Variants in COL14A1 observed in about 807,000 individuals in gnomAD.
COL14A1 encodes collagen type XIV alpha 1 chain.
Under a neutral mutation model 230.3 loss-of-function variants are expected in COL14A1, and 136 were observed. The ratio of observed to expected loss-of-function variants is 0.59; its 90% confidence interval spans 0.51 to 0.68. The LOEUF is 0.68. Ranked by LOEUF, COL14A1 falls within the 30% of genes least tolerant of loss-of-function variation. The pLI, the probability that COL14A1 is intolerant of heterozygous loss-of-function variation, is 0.00. For synonymous variants in COL14A1, 792 were observed against 784.1 expected (o/e 1.01, Z -0.17); for missense variants, 1,976 against 2,215.8 (o/e 0.89, Z 2.17).
At chr8:120,231,790 T>C (rs1586788109) in intron 19 of COL14A1, 172 bp downstream of exon 19, 2 of 637,994 alleles carry the variant, frequency 3.1e-6, no homozygotes, top group Non-Finnish European at 5.0e-6. Context: ...TTAGTGACCT[T>C]TATAAATCCA....
chr8:120,220,738 A>G (rs1817906298), intron 14 of COL14A1, among the ~76,000 whole-genome samples: 1 of 152,116 alleles, frequency 6.6e-6, no homozygotes, highest in South Asian at 2.1e-4. Flanking sequence ...GTATTTCAAC[A>G]AATGTCTATG....
intron 5 of COL14A1, among the ~76,000 whole-genome samples, chr8:120,194,443 T>C (rs780094282): frequency 2.6e-5 from 4 of 152,070 alleles, no homozygotes; most frequent in Admixed American, 6.5e-5. Flanking sequence ...ACCCCACACT[T>C]ATGCTTTTAT....
intron 26 of COL14A1, 40 bp from the exon 27 acceptor site, chr8:120,278,071 T>C (rs749687078): frequency 6.5e-7 from 1 of 1,536,406 alleles, no homozygotes; most frequent in Non-Finnish European, 8.7e-7. Context: ...CCAGTGGAAG[T>C]CTACATATGT....
intron 5 of COL14A1, among the ~76,000 whole-genome samples, chr8:120,177,819 T>A (rs1009684221): frequency 2.0e-5 from 3 of 149,106 alleles, no homozygotes; most frequent in Non-Finnish European, 3.0e-5. Context: ...ATAAGGAAAA[T>A]AGGTAGATTA....
chr8:120,300,712 CT>C lies in COL14A1; in HGVS notation c.4315-13del. Reference sequence around the variant, plus strand: ...ATAAACTGGCATGCTAATGGTTGTGCTTTTTTTGTTTCTTTTCAGAGAGATG... The same window carrying C: ...ATAAACTGGCATGCTAATGGTTGTGCTTTTTTGTTTCTTTTCAGAGAGATG... On this transcript the variant is annotated intron_variant, in intron 35 of 47. Coordinates refer to ENST00000297848, the MANE Select transcript of COL14A1 (RefSeq NM_021110.4). 15 of 1,597,592 alleles carry C rather than the reference CT, an allele frequency of 9.4e-6. No individual in the cohort carries two copies. Among genetic ancestry groups the C allele is most frequent in the East Asian group, 4.5e-5 (2 of 44,748 alleles).
rs763911191 is a variant in COL14A1, at chr8:120,243,986, C to T, written c.2457C>T (p.Ser819=). 5.6e-6 allele frequency: 9 copies of T among 1,612,190 alleles called. No homozygotes were observed. The highest frequency in any genetic ancestry group is 4.5e-5 in the East Asian group (2 of 44,846). The change falls in exon 20 of 48, where the codon AGC becomes AGT. Residue 819 remains serine (S), a synonymous_variant. Coordinates refer to ENST00000297848, the MANE Select transcript of COL14A1 (RefSeq NM_021110.4). ...TPIYTDGEGV[S]VSAPGKTLPS... Reference sequence around the variant, plus strand: ...TCTACACGGATGGCGAAGGCGTCAGCGTCTCCGCTCCTGGAAAAACCTGTA... The same window carrying T: ...TCTACACGGATGGCGAAGGCGTCAGTGTCTCCGCTCCTGGAAAAACCTGTA...
chr8:120,295,881 G>T (rs1195466869), intron 34 of COL14A1, among the ~76,000 whole-genome samples: 1 of 151,856 alleles, frequency 6.6e-6, no homozygotes, highest in Admixed American at 6.6e-5. Context: ...GTCAGTGGAA[G>T]AGTTGGAGAT....
chr8:120,260,183 A>G (rs545367249), intron 23 of COL14A1, among the ~76,000 whole-genome samples: 4 of 152,290 alleles, frequency 2.6e-5, no homozygotes, highest in East Asian at 1.9e-4. Context: ...TTAAAATTCT[A>G]TTTAACAAAT....
At chr8:120,189,489 T>G (rs1264174396) in intron 5 of COL14A1, among the ~76,000 whole-genome samples, 1 of 151,684 alleles carries the variant, frequency 6.6e-6, no homozygotes, top group Non-Finnish European at 1.5e-5. Flanking sequence ...TTATTTTATT[T>G]TATTATTATT....
intron 7 of COL14A1, among the ~76,000 whole-genome samples, chr8:120,198,989 T>C (rs1817138111): frequency 6.6e-6 from 1 of 152,162 alleles, no homozygotes; most frequent in Non-Finnish European, 1.5e-5. Flanking sequence ...TCCCTTCTAC[T>C]CCTAAAAAAC....
intron 14 of COL14A1, among the ~76,000 whole-genome samples, chr8:120,219,498 T>C (rs1817863198): frequency 6.6e-6 from 1 of 152,188 alleles, no homozygotes; most frequent in Admixed American, 6.5e-5. Flanking sequence ...TGCAGGTGTA[T>C]TCCTCATAGT....
At chr8:120,153,940 G>A (rs893679439) in intron 2 of COL14A1, among the ~76,000 whole-genome samples, 19 of 152,218 alleles carry the variant, frequency 1.2e-4, no homozygotes, top group African/African-American at 3.4e-4. Context: ...CTGCTTGACC[G>A]GGTTTAAGTG....
Position 120,280,113 on chromosome 8 carries a change from A to G in COL14A1, c.3646+14A>G. On this transcript the variant is annotated intron_variant, in intron 29 of 47. Coordinates refer to ENST00000297848, the MANE Select transcript of COL14A1 (RefSeq NM_021110.4). ...CAGCATCAGCAAGTTAGTTCTTTGG[A>G]ATTTGTACTTACTCATGTTGCTTAA... is the stretch of plus-strand genomic sequence containing the variant. 1.9e-6 allele frequency: 3 copies of G among 1,613,360 alleles called. No individual in the cohort carries two copies. The highest frequency in any genetic ancestry group is 2.5e-6 in the Non-Finnish European group (3 of 1,179,564).
chr8:120,204,827 G>C (rs2130740233), intron 9 of COL14A1, among the ~76,000 whole-genome samples: 1 of 152,308 alleles, frequency 6.6e-6, no homozygotes, highest in Non-Finnish European at 1.5e-5. Context: ...CACAGAGTGA[G>C]GGAGAATGGT....
At chr8:120,329,680 G>C (rs757095379) in intron 40 of COL14A1, among the ~76,000 whole-genome samples, 130 of 152,196 alleles carry the variant, frequency 8.5e-4, no homozygotes, top group Admixed American at 2.4e-3. Context: ...CTAAGGACCT[G>C]TGTATGTGTG....
chr8:120,281,373 G>A (rs1323751638), intron 31 of COL14A1, among the ~76,000 whole-genome samples: 1 of 151,870 alleles, frequency 6.6e-6, no homozygotes, highest in East Asian at 1.9e-4. Context: ...AGCAGCCTGG[G>A]CAACAAAATA....
At chr8:120,349,197 A>G (rs1822653359) in intron 45 of COL14A1, among the ~76,000 whole-genome samples, 2 of 151,712 alleles carry the variant, frequency 1.3e-5, no homozygotes, top group African/African-American at 4.9e-5. Flanking sequence ...AAGGAAAACT[A>G]ACAAACAGAA....
chr8:120,130,644 AAATTAAAAG>A (rs1239494028), intron 1 of COL14A1, among the ~76,000 whole-genome samples: 9 of 152,378 alleles, frequency 5.9e-5, no homozygotes, highest in Non-Finnish European at 1.0e-4. Flanking sequence ...AACTTGGAGA[AAATTAAAAG>A]AATTTAATGG....
chr8:120,285,933 C>T lies in COL14A1; in HGVS notation c.4040C>T (p.Pro1347Leu). The T allele has an allele frequency of 6.2e-7, 1 of 1,609,754 alleles. No individual in the cohort carries two copies. The highest frequency in any genetic ancestry group is 8.5e-7 in the Non-Finnish European group (1 of 1,176,328). ...GDFQTVTFEG[P>L]EIRKIFYGSF... ...TTTCAAACTGTTACTTTCGAAGGAC[C>T]TGAAATTAGGAAAATTTTTTATGGA... Residue 1347 changes from proline (P) to leucine (L), a missense_variant, in exon 33 of 48, where the codon CCT becomes CTT. Transcript: ENST00000297848.
Sources: allele counts gnomAD v4.1 joint callset (sites outside exome capture counted in the v4.1 genomes callset), GRCh38; gene constraint gnomAD v4.1.1; transcripts MANE v1.5; gene names NCBI Gene and HGNC (gene_info 2026-07-23, HGNC 2026-07-21).